The following CLSTN2 variants were observed in gnomAD, a reference collection of about 807,000 sequenced individuals.
CLSTN2 encodes the protein calsyntenin-2.
A neutral mutation model predicts 101.2 loss-of-function variants in CLSTN2; 48 were observed. That is an observed-to-expected ratio of 0.47 (90% CI 0.38 to 0.60). The LOEUF (loss-of-function observed/expected upper bound fraction) is 0.60. Among genes scored for constraint, CLSTN2 ranks in the 20% least tolerant of loss-of-function variants. The pLI is 0.00. For synonymous variants in CLSTN2, 481 were observed against 463.6 expected (o/e 1.04, Z -0.48); for missense variants, 1,160 against 1,238.2 (o/e 0.94, Z 0.95).
At chr3:140,264,180 T>G (rs73867105) in intron 2 of CLSTN2, among the ~76,000 whole-genome samples, 11,003 of 151,712 alleles carry the variant, frequency 0.073, 969 homozygotes, top group African/African-American at 0.21. Context: ...GTGCCACATG[T>G]TTTTCACTTT....
chr3:140,419,388 G>A lies in CLSTN2; in HGVS notation c.638-1737G>A, dbSNP rs546697249. On this transcript the variant is annotated intron_variant, in intron 4 of 16. Coordinates refer to ENST00000458420, the MANE Select transcript of CLSTN2 (RefSeq NM_022131.3). ...GTCCCAGTACTTGGGAGGCTGAGGC[G>A]GGAGAATCACTTGAACCCAGGAGGT... Among the ~76,000 whole-genome samples the A allele has an allele frequency of 1.4e-3, 199 of 144,440 alleles. 6 individuals carry two copies. In the South Asian group the frequency reaches 0.041, roughly 30 times the overall value. The allele number at this position is 144,440 out of a possible 152,430, so 94.8% of individuals were successfully genotyped here. A position where few individuals can be genotyped will look rare whatever the true frequency, so the allele number is the denominator to read the frequency against.
At chr3:140,320,751 C>T (rs548917941) in intron 2 of CLSTN2, among the ~76,000 whole-genome samples, 1 of 152,130 alleles carries the variant, frequency 6.6e-6, no homozygotes, top group Admixed American at 6.5e-5. Context: ...TTAGCTGGAG[C>T]CCTGAACCAT....
intron 1 of CLSTN2, among the ~76,000 whole-genome samples, chr3:140,105,179 A>T (rs2009035446): frequency 6.6e-6 from 1 of 152,190 alleles, no homozygotes; most frequent in African/African-American, 2.4e-5. Context: ...TCCTCTTATG[A>T]TATATCATCT....
At chr3:140,410,298 G>GA (rs1176909037) in intron 4 of CLSTN2, among the ~76,000 whole-genome samples, 21 of 142,010 alleles carry the variant, frequency 1.5e-4, no homozygotes, top group Admixed American at 7.3e-4. Flanking sequence ...AGCAGCAAAA[G>GA]AAAAAAAACA....
chr3:139,977,275 T>C (rs1036337051), intron 1 of CLSTN2, among the ~76,000 whole-genome samples: 61 of 151,860 alleles, frequency 4.0e-4, no homozygotes, highest in African/African-American at 1.4e-3. Context: ...CGTACAGGGA[T>C]GGAACAAGGG....
chr3:140,415,997 C>G, intron 4 of CLSTN2, among the ~76,000 whole-genome samples: 1 of 152,046 alleles, frequency 6.6e-6, no homozygotes, highest in East Asian at 1.9e-4. Flanking sequence ...GTGGGAGATA[C>G]AAACATACAA....
chr3:140,471,022 A>G (rs1033456334), intron 8 of CLSTN2, among the ~76,000 whole-genome samples: 1 of 152,200 alleles, frequency 6.6e-6, no homozygotes, highest in Non-Finnish European at 1.5e-5. Flanking sequence ...ATGGACAGCC[A>G]GGTAAATCTA....
intron 1 of CLSTN2, among the ~76,000 whole-genome samples, chr3:140,054,524 A>G (rs1218993548): frequency 6.6e-6 from 1 of 152,180 alleles, no homozygotes; most frequent in African/African-American, 2.4e-5. Flanking sequence ...ACCTAGATCT[A>G]TCTGGCCACA....
intron 1 of CLSTN2, among the ~76,000 whole-genome samples, chr3:140,167,151 T>C (rs1476317472): frequency 2.0e-5 from 3 of 152,242 alleles, no homozygotes; most frequent in Non-Finnish European, 4.4e-5. Context: ...GGATAATTTC[T>C]GTACATGCCA....
At chr3:140,363,787 G>A (rs988391056) in intron 2 of CLSTN2, among the ~76,000 whole-genome samples, 5 of 152,198 alleles carry the variant, frequency 3.3e-5, no homozygotes, top group Admixed American at 6.5e-5. Context: ...TGGGTTTCAC[G>A]AAGACCCTCT....
At chr3:139,951,064 A>G (rs1057280206) in intron 1 of CLSTN2, among the ~76,000 whole-genome samples, 2 of 152,196 alleles carry the variant, frequency 1.3e-5, no homozygotes, top group East Asian at 3.9e-4. Context: ...CTCAGGGTTT[A>G]TCAAAGCTAC....
chr3:140,240,174 C>CTCTCTATATATA (rs1311225528), intron 2 of CLSTN2, among the ~76,000 whole-genome samples: 18 of 13,330 alleles, frequency 1.4e-3, no homozygotes, highest in South Asian at 8.8e-3. Context: ...CTCTCTCTCT[C>CTCTCTATATATA]TATATATATA....
Position 140,212,240 on chromosome 3 carries a change from T to C in CLSTN2, c.232+36167T>C, listed in dbSNP as rs1012318534. The stretch of plus-strand genomic sequence containing the variant: ...TTATGTTTATAATTTTTAACAAAGA[T>C]TTACCTTCTGGATTTGTGTTGGATC... On this transcript the variant is annotated intron_variant, in intron 2 of 16. Coordinates refer to ENST00000458420, the MANE Select transcript of CLSTN2 (RefSeq NM_022131.3). Among the ~76,000 whole-genome samples, 6 of 152,320 alleles carry C rather than the reference T, an allele frequency of 3.9e-5. No individual in the cohort carries two copies. The East Asian group carries it at 1.2e-3, about 29-fold the overall frequency.
intron 1 of CLSTN2, among the ~76,000 whole-genome samples, chr3:140,004,746 G>T (rs2006919679): frequency 6.6e-6 from 1 of 152,138 alleles, no homozygotes; most frequent in East Asian, 1.9e-4. Context: ...CAGTGGGAGA[G>T]GCTGCTTGTG....
intron 8 of CLSTN2, among the ~76,000 whole-genome samples, chr3:140,514,020 A>G (rs1301241804): frequency 6.6e-6 from 1 of 151,848 alleles, no homozygotes; most frequent in Non-Finnish European, 1.5e-5. Flanking sequence ...AGTCTATTTT[A>G]TTAATTTTTT....
chr3:140,212,147 A>G (rs2010863628), intron 2 of CLSTN2, among the ~76,000 whole-genome samples: 3 of 152,194 alleles, frequency 2.0e-5, no homozygotes, highest in Admixed American at 2.0e-4. Flanking sequence ...GTTCCTCGGG[A>G]ACACAACAGG....
At chr3:140,028,264 T>C (rs1186329887) in intron 1 of CLSTN2, among the ~76,000 whole-genome samples, 1 of 152,190 alleles carries the variant, frequency 6.6e-6, no homozygotes. Context: ...TCCCAGCAAG[T>C]GGCAGGCATG....
At chr3:140,322,757 C>T (rs1487752587) in intron 2 of CLSTN2, among the ~76,000 whole-genome samples, 1 of 152,174 alleles carries the variant, frequency 6.6e-6, no homozygotes, top group Non-Finnish European at 1.5e-5. Flanking sequence ...TGTAAAGCCT[C>T]TGAGGGATTT....
At chr3:140,102,614 G>A (rs1484354893) in intron 1 of CLSTN2, among the ~76,000 whole-genome samples, 1 of 152,200 alleles carries the variant, frequency 6.6e-6, no homozygotes, top group Non-Finnish European at 1.5e-5. Flanking sequence ...TCAATTGAAA[G>A]CCATTGTCTT....
Sources: gnomAD v4.1 joint callset for allele counts (sites outside exome capture counted in the v4.1 genomes callset) on GRCh38, gnomAD v4.1.1 for gene constraint, MANE v1.5 for transcripts, NCBI Gene and HGNC (gene_info 2026-07-23, HGNC 2026-07-21) for gene names.